The following ETNK2 variants were observed in gnomAD, a reference collection of about 807,000 sequenced individuals.
The protein encoded by ETNK2 is ethanolamine kinase-like protein.
In ETNK2, 33 loss-of-function variants were observed where a neutral mutation model predicts 46.2. The ratio of observed to expected loss-of-function variants is 0.71; its 90% CI spans 0.54 to 0.96. ETNK2 has a LOEUF of 0.96. Ranked by LOEUF, ETNK2 falls within the 40% of genes least tolerant of loss-of-function variation. The pLI, the probability that ETNK2 is intolerant of heterozygous loss-of-function variation, is 0.00. For synonymous variants in ETNK2, 194 were observed against 209.0 expected (o/e 0.93, Z 0.62); for missense variants, 445 against 509.7 (o/e 0.87, Z 1.22).
At chr1:204,139,087 G>C (rs902927851) in intron 5 of ETNK2, among the ~76,000 whole-genome samples, 5 of 152,200 alleles carry the variant, frequency 3.3e-5, no homozygotes, top group African/African-American at 1.2e-4. Flanking sequence ...TAGGGGCACA[G>C]AGAAGGTAAA....
In ETNK2 at chr1:204,144,345, C is replaced by CAAAAAAAAAAAAAAAAAAAAAAAAA. The variant is rs141761706; in HGVS notation, c.641+2296_641+2297insTTTTTTTTTTTTTTTTTTTTTTTTT. ...TGGGCAACAGAGTGAGAATCCATCT[C>CAAAAAAAAAAAAAAAAAAAAAAAAA]AAAAAAAAAAAAAAAAAAAAAAAAG... On this transcript the variant is annotated intron_variant, in intron 3 of 7. Coordinates refer to ENST00000367202, the MANE Select transcript of ETNK2 (RefSeq NM_018208.4). Among the ~76,000 whole-genome samples, 21 of 33,342 alleles carry CAAAAAAAAAAAAAAAAAAAAAAAAA rather than the reference C, an allele frequency of 6.3e-4. 2 individuals are homozygous for CAAAAAAAAAAAAAAAAAAAAAAAAA. Among genetic ancestry groups the CAAAAAAAAAAAAAAAAAAAAAAAAA allele is most frequent in the African/African-American group, 1.3e-3 (11 of 8,440 alleles). The allele number at this position is 33,342 out of a possible 152,430, so 21.9% of individuals were successfully genotyped here. A position where few individuals can be genotyped will look rare whatever the true frequency, so the allele number is the denominator to read the frequency against.
chr1:204,133,724 G>A (rs1657170221), intron 7 of ETNK2, among the ~76,000 whole-genome samples: 2 of 151,864 alleles, frequency 1.3e-5, no homozygotes, highest in South Asian at 4.2e-4. Flanking sequence ...GTAGAGACGG[G>A]GTTTCACCGT....
In ETNK2 at chr1:204,133,395, T is replaced by C. The variant is rs545515516; in HGVS notation, c.1088+1120A>G. ...AATGGTGCAGAAAGGTTCCAATTCC[T>C]GCATATCCTTACCAACAATTATTAT... On this transcript the variant is annotated intron_variant, in intron 7 of 7. Coordinates refer to ENST00000367202, the MANE Select transcript of ETNK2 (RefSeq NM_018208.4). Among the ~76,000 whole-genome samples the C allele has an allele frequency of 7.9e-5, 12 of 152,330 alleles. No individual in the cohort carries two copies. The East Asian group carries it at 2.3e-3, about 29-fold the overall frequency.
intron 3 of ETNK2, chr1:204,141,801 G>A (rs554596927): frequency 1.6e-5 from 4 of 258,064 alleles, no homozygotes; most frequent in Middle Eastern, 1.3e-3. Flanking sequence ...AGGTGAGAAC[G>A]AGTGTCCAGA....
intron 3 of ETNK2, chr1:204,142,511 C>T (rs539090157): frequency 6.6e-6 from 1 of 152,258 alleles, no homozygotes; most frequent in Non-Finnish European, 1.5e-5. Context: ...CCCCAGGAGG[C>T]ACACAGGTCT....
At chr1:204,135,314 C>T (rs1354009283) in intron 6 of ETNK2, among the ~76,000 whole-genome samples, 2 of 152,180 alleles carry the variant, frequency 1.3e-5, no homozygotes, top group Non-Finnish European at 2.9e-5. Context: ...AAAAAACTAC[C>T]TGTCACACAC....
At chr1:204,146,268 C>T (rs1657775383) in intron 3 of ETNK2, among the ~76,000 whole-genome samples, 1 of 152,130 alleles carries the variant, frequency 6.6e-6, no homozygotes, top group Non-Finnish European at 1.5e-5. Flanking sequence ...GTGGAAAGAG[C>T]CCTGGGCTGG....
intron 5 of ETNK2, among the ~76,000 whole-genome samples, chr1:204,137,528 C>T (rs559501935): frequency 6.6e-6 from 1 of 152,166 alleles, no homozygotes. Context: ...CTGGGAGTGA[C>T]AGGAACCCCT....
chr1:204,142,990 G>T (rs78846741), intron 3 of ETNK2: 1 of 152,040 alleles, frequency 6.6e-6, no homozygotes, highest in Non-Finnish European at 1.5e-5. Flanking sequence ...TCCTTGGCCC[G>T]TCCAAGGATC....
rs970125521 is a variant in ETNK2, at chr1:204,151,470, C to T, written c.258+125G>A. On this transcript the variant is annotated intron_variant, in intron 1 of 7. Coordinates refer to ENST00000367202, the MANE Select transcript of ETNK2 (RefSeq NM_018208.4). The surrounding 1 kb of genome is among the most constrained non-coding windows in gnomAD (Gnocchi z 8.0). ...ATCCGTACACAAACCACGTTCCAAACCTTTCTTGCGCAGCAGCCGCGCACC... is the reference window on the plus strand; with the variant it reads ...ATCCGTACACAAACCACGTTCCAAATCTTTCTTGCGCAGCAGCCGCGCACC... 1.7e-5 allele frequency: 24 copies of T among 1,380,066 alleles called. No individual in the cohort carries two copies. The highest frequency in any genetic ancestry group is 2.3e-5 in the Non-Finnish European group (23 of 1,016,872). The allele number at this position is 1,380,066 out of a possible 1,614,324, so 85.5% of individuals were successfully genotyped here.
chr1:204,146,701 G>A lies in ETNK2; in HGVS notation c.582C>T (p.Pro194=). Residue 194 remains proline (P), a synonymous_variant, in exon 3 of 8, where the codon CCC becomes CCT. Coordinates refer to ENST00000367202, the MANE Select transcript of ETNK2 (RefSeq NM_018208.4). ...TIHANGSLPK[P]ILWHKMHNYF... Reference sequence around the variant, plus strand: ...AATTGTGCATCTTGTGCCAGAGGATGGGCTTGGGCAGGCTGCCGTTGGCGT... The same window carrying A: ...AATTGTGCATCTTGTGCCAGAGGATAGGCTTGGGCAGGCTGCCGTTGGCGT... 3 of 1,614,042 alleles carry A rather than the reference G, an allele frequency of 1.9e-6. No homozygotes were observed. In the South Asian group the frequency reaches 3.3e-5, roughly 18 times the overall value.
chr1:204,151,542 CCCCTGGCAG>C lies in ETNK2; in HGVS notation c.258+44_258+52del. The C allele has an allele frequency of 6.5e-7, 1 of 1,545,122 alleles. No homozygotes were observed. Among genetic ancestry groups the C allele is most frequent in the Non-Finnish European group, 8.7e-7 (1 of 1,145,078 alleles). On this transcript the variant is annotated intron_variant, in intron 1 of 7. Transcript: ENST00000367202. The surrounding 1 kb of genome is among the most constrained non-coding windows in gnomAD (Gnocchi z 8.0). The stretch of plus-strand genomic sequence containing the variant: ...GATGCGAGGACTGGGTCCCCGCATC[CCCCTGGCAG>C]CCCTGGCAGGACCCCATCCTCGGCC...
At chr1:204,142,757 A>G (rs1657607207) in intron 3 of ETNK2, 1 of 152,214 alleles carries the variant, frequency 6.6e-6, no homozygotes, top group South Asian at 2.1e-4. Context: ...GAACACGAGA[A>G]AGAGTATTCA....
Position 204,143,225 on chromosome 1 carries a change from C to CT in ETNK2, c.642-1769dup, listed in dbSNP as rs1038483843. Among the ~76,000 whole-genome samples the CT allele has an allele frequency of 7.3e-4, 107 of 145,822 alleles. 1 individual carries two copies. Among genetic ancestry groups the CT allele is most frequent in the Middle Eastern group, 3.6e-3 (1 of 278 alleles). ...CTTAAGAAGCTACCTTTTAAGATTC[C>CT]TTTTTTTTTTTTCTTGGACTGAGAC... On this transcript the variant is annotated intron_variant, in intron 3 of 7. Coordinates refer to ENST00000367202, the MANE Select transcript of ETNK2 (RefSeq NM_018208.4).
At chr1:204,135,098 T>A (rs1657231756) in intron 6 of ETNK2, among the ~76,000 whole-genome samples, 1 of 152,166 alleles carries the variant, frequency 6.6e-6, no homozygotes, top group South Asian at 2.1e-4. Context: ...GGAAGATCCC[T>A]ACACTAACCT....
intron 7 of ETNK2, among the ~76,000 whole-genome samples, 183 bp downstream of exon 7, chr1:204,134,332 G>A (rs1327186260): frequency 6.6e-6 from 1 of 152,178 alleles, no homozygotes; most frequent in Non-Finnish European, 1.5e-5. Context: ...TCTTTTCAGA[G>A]TGGTACTTTC....
In ETNK2 at chr1:204,151,861, G is replaced by T. The variant is rs776557336; in HGVS notation, c.-9C>A. On this transcript the variant is annotated 5_prime_UTR_variant, in exon 1 of 8. It adds an upstream start codon to the 5' untranslated region. Transcript: ENST00000367202. The surrounding 1 kb of genome is among the most constrained non-coding windows in gnomAD (Gnocchi z 8.0). ...GAAGGGGGCACAGCCATTCCCAGCA[G>T]CCCCACCCCCTCGGAGCCGCGGCAG... is the stretch of plus-strand genomic sequence containing the variant. The T allele has an allele frequency of 7.8e-5, 112 of 1,428,892 alleles. No homozygotes were observed. The highest frequency in any genetic ancestry group is 9.1e-6 in the Non-Finnish European group (10 of 1,096,156). 88.5% of individuals were successfully genotyped at this position (1,428,892 alleles called of 1,614,324 possible).
chr1:204,137,220 G>A lies in ETNK2; in HGVS notation c.898C>T (p.Pro300Ser). 1 of 1,613,878 alleles carries A rather than the reference G, an allele frequency of 6.2e-7. No individual in the cohort carries two copies. ...CACTGCAGCTGGGTCTCCCGCGCCGGGTACAGGCAGTAATCCACCTCATTC... is the reference window on the plus strand; with the variant it reads ...CACTGCAGCTGGGTCTCCCGCGCCGAGTACAGGCAGTAATCCACCTCATTC... Reference protein sequence around the residue: ...GVNEVDYCLYPARETQLQWLH... With the variant: ...GVNEVDYCLYSARETQLQWLH... The change falls in exon 6 of 8, where the codon CCG (proline) becomes TCG (serine). Residue 300 changes from proline (P) to serine (S), a missense_variant. Pro to Ser is a moderately conservative substitution (Grantham distance 74, BLOSUM62 -1). Transcript: ENST00000367202.
At chr1:204,143,959 GACACATCCTGCTCTCCACCCGCC>G (rs1657668195) in intron 3 of ETNK2, among the ~76,000 whole-genome samples, 1 of 152,132 alleles carries the variant, frequency 6.6e-6, no homozygotes, top group South Asian at 2.1e-4. Flanking sequence ...ACAGGTGTCC[GACACATCCTGCTCTCCACCCGCC>G]ACCTCAAGTT....
Sources: allele counts gnomAD v4.1 joint callset (sites outside exome capture counted in the v4.1 genomes callset), GRCh38; gene constraint gnomAD v4.1.1; non-coding constraint Gnocchi (gnomAD v3.1); transcripts MANE v1.5; gene names NCBI Gene and HGNC (gene_info 2026-07-23, HGNC 2026-07-21).